Variants in NOS2 observed in about 807,000 individuals in gnomAD.
NOS2 encodes nitric oxide synthase 2.
In NOS2, 96 loss-of-function variants were observed where a neutral mutation model predicts 136.0. The ratio of observed to expected loss-of-function variants is 0.71; its 90% confidence interval spans 0.60 to 0.84. NOS2 has a LOEUF of 0.84. Among genes scored for constraint, NOS2 ranks in the 40% least tolerant of loss-of-function variants. The pLI is 0.00. For missense variants in NOS2, 1,237 were observed against 1,496.9 expected (o/e 0.83, Z 2.87); for synonymous variants, 539 against 587.5 (o/e 0.92, Z 1.20).
intron 5 of NOS2, among the ~76,000 whole-genome samples, chr17:27,787,123 T>C (rs1010299014): frequency 6.6e-6 from 1 of 152,246 alleles, no homozygotes; most frequent in African/African-American, 2.4e-5. Flanking sequence ...TCAGGTGGCC[T>C]GGCTTCTAGC....
At chr17:27,765,416 C>T (rs775966757) in intron 20 of NOS2, 119 bp downstream of exon 20, 12 of 914,142 alleles carry the variant, frequency 1.3e-5, no homozygotes, top group South Asian at 7.4e-5. Context: ...TTTGGTGGCC[C>T]GCCCTCTCAG....
rs34992777 is a variant in NOS2 at position 27,792,815 on chromosome 17, C to CAAAA, written c.111-3131_111-3128dup. Among the ~76,000 whole-genome samples the CAAAA allele has an allele frequency of 7.3e-3, 373 of 50,760 alleles. 22 individuals carry two copies. Among genetic ancestry groups the CAAAA allele is most frequent in the African/African-American group, 0.025 (298 of 11,778 alleles). 33.3% of individuals were successfully genotyped at this position (50,760 alleles called of 152,430 possible). A position where few individuals can be genotyped will look rare whatever the true frequency, so the allele number is the denominator to read the frequency against. ...GCAACATGGTGAAACCCTATCTCTA[C>CAAAA]AAAAAAAAAAAAAAAAAAAAAAAGG... On this transcript the variant is annotated intron_variant, in intron 2 of 26. Coordinates refer to ENST00000313735, the MANE Select transcript of NOS2 (RefSeq NM_000625.4).
chr17:27,787,611 G>A, intron 5 of NOS2, 67 bp downstream of exon 5: 1 of 1,192,926 alleles, frequency 8.4e-7, no homozygotes, highest in Non-Finnish European at 1.2e-6. Flanking sequence ...ATCAGAGGGT[G>A]ATGGGTAGAG....
At chr17:27,781,279 C>A (rs539021209) in intron 7 of NOS2, 102 bp from the exon 8 acceptor site, 11 of 1,329,258 alleles carry the variant, frequency 8.3e-6, no homozygotes, top group Non-Finnish European at 1.0e-5. Context: ...TGCTCTGCAG[C>A]CCCTGATCCC....
At chr17:27,786,266 A>T (rs1909021923) in intron 5 of NOS2, among the ~76,000 whole-genome samples, 1 of 100,874 alleles carries the variant, frequency 9.9e-6, no homozygotes, top group Non-Finnish European at 2.2e-5. Context: ...ACTAAAAATA[A>T]AAAAAAAAAA....
chr17:27,779,156 G>C, intron 9 of NOS2, 100 bp from the exon 10 acceptor site: 9 of 906,806 alleles, frequency 9.9e-6, no homozygotes, highest in Non-Finnish European at 1.3e-5. Flanking sequence ...TGCTCATGCT[G>C]GAGTGCAGTG....
intron 20 of NOS2, among the ~76,000 whole-genome samples, chr17:27,764,765 C>T (rs1908241694): frequency 6.6e-6 from 1 of 152,188 alleles, no homozygotes; most frequent in Non-Finnish European, 1.5e-5. Flanking sequence ...TGAAATTGTG[C>T]CATAATAGTT....
intron 8 of NOS2, 47 bp from the exon 9 acceptor site, chr17:27,780,953 G>A (rs1908823998): frequency 1.9e-6 from 3 of 1,598,244 alleles, no homozygotes; most frequent in Non-Finnish European, 2.6e-6. Flanking sequence ...CGGGCTGCGT[G>A]TCTCCTCTGG....
intron 20 of NOS2, among the ~76,000 whole-genome samples, chr17:27,765,154 A>G (rs1367037469): frequency 6.6e-6 from 1 of 151,914 alleles, no homozygotes; most frequent in Non-Finnish European, 1.5e-5. Context: ...CTGTCTAATT[A>G]TTTTTGTATT....
chr17:27,780,910 G>A lies in NOS2; in HGVS notation c.865-4C>T. 6.2e-7 allele frequency: 1 copy of A among 1,611,540 alleles called. No individual in the cohort carries two copies. The highest frequency in any genetic ancestry group is 8.5e-7 in the Non-Finnish European group (1 of 1,178,710). On this transcript the variant is annotated splice_polypyrimidine_tract_variant and splice_region_variant and intron_variant, in intron 8 of 26. Transcript: ENST00000313735. ...TCCAGCCCAGGTCGATGCACAGCTG[G>A]GGAACAAGACGGGCCCTGTGAGTCT...
intron 2 of NOS2, among the ~76,000 whole-genome samples, chr17:27,797,563 C>T (rs1465274479): frequency 6.6e-6 from 1 of 152,260 alleles, no homozygotes; most frequent in Non-Finnish European, 1.5e-5. Flanking sequence ...CAGATACACT[C>T]AGGGCCGTCA....
At chr17:27,772,557 G>T in intron 13 of NOS2, 105 bp from the exon 14 acceptor site, 1 of 1,362,710 alleles carries the variant, frequency 7.3e-7, no homozygotes, top group East Asian at 2.4e-5. Flanking sequence ...TGTGGGGCAG[G>T]TTGAGGGAAA....
At chr17:27,764,538 G>C (rs1307923242) in intron 20 of NOS2, among the ~76,000 whole-genome samples, 1 of 152,238 alleles carries the variant, frequency 6.6e-6, no homozygotes, top group Non-Finnish European at 1.5e-5. Context: ...CCTGGGTGCT[G>C]TACCAAGATG....
intron 2 of NOS2, among the ~76,000 whole-genome samples, chr17:27,794,438 C>G (rs1397436170): frequency 6.6e-6 from 1 of 152,142 alleles, no homozygotes; most frequent in African/African-American, 2.4e-5. Flanking sequence ...TAAGGTGCTC[C>G]TTATCTCAAG....
At chr17:27,796,363 T>A (rs1427342491) in intron 2 of NOS2, among the ~76,000 whole-genome samples, 1 of 152,038 alleles carries the variant, frequency 6.6e-6, no homozygotes, top group Non-Finnish European at 1.5e-5. Context: ...GGTGGGAGAA[T>A]CGCTTGAACC....
chr17:27,759,810 C>A (rs748809595), intron 25 of NOS2, among the ~76,000 whole-genome samples: 1 of 152,132 alleles, frequency 6.6e-6, no homozygotes, highest in Non-Finnish European at 1.5e-5. Flanking sequence ...GGGGTTAACC[C>A]GCGTGTGACC....
rs1365593143 is a variant in NOS2, at chr17:27,762,898, G to T, written c.2700C>A (p.Leu900=). The change falls in exon 22 of 27, where the codon CTC becomes CTA. Residue 900 remains leucine, a synonymous_variant. Coordinates refer to ENST00000313735, the MANE Select transcript of NOS2 (RefSeq NM_000625.4). ...AGTAGAACCTGGGCTTCAGAATGGG[G>T]AGCTGGGAAAGCAGGAAGCCAGCAG... The part of the protein sequence containing the change: ...RVSAGFLLSQ[L]PILKPRFYSI... 1 of 1,600,594 alleles carries T rather than the reference G, an allele frequency of 6.2e-7. No individual in the cohort carries two copies. The highest frequency in any genetic ancestry group is 8.5e-7 in the Non-Finnish European group (1 of 1,174,430).
At chr17:27,760,207 T>C (rs201704324) in intron 24 of NOS2, 29 bp from the exon 25 acceptor site, 223 of 1,516,736 alleles carry the variant, frequency 1.5e-4, no homozygotes, top group Non-Finnish European at 1.9e-4. Flanking sequence ...GTTGTTACCA[T>C]GTTGGCCACC....
In NOS2 at chr17:27,780,900, T is replaced by G. The variant is rs776938583; in HGVS notation, c.871A>C (p.Ile291Leu). ...PANVEFTQLC[I>L]DLGWKPKYGR... ...TACTTGGGCTTCCAGCCCAGGTCGA[T>G]GCACAGCTGGGGAACAAGACGGGCC... The change falls in exon 9 of 27, where the codon ATC (isoleucine) becomes CTC (leucine). Residue 291 changes from isoleucine (I) to leucine (L), a missense_variant. Transcript: ENST00000313735. The G allele has an allele frequency of 1.9e-6, 3 of 1,612,784 alleles. No homozygotes were observed. The highest frequency in any genetic ancestry group is 1.3e-5 in the African/African-American group (1 of 75,046).
Sources: allele counts gnomAD v4.1 joint callset (sites outside exome capture counted in the v4.1 genomes callset), GRCh38; gene constraint gnomAD v4.1.1; transcripts MANE v1.5; gene names NCBI Gene and HGNC (gene_info 2026-07-23, HGNC 2026-07-21).